Variants in KDM4C observed in about 807,000 individuals in gnomAD.
KDM4C encodes the protein lysine-specific demethylase 4C.
In KDM4C, 81 loss-of-function variants were observed where a neutral mutation model predicts 129.3. That is an observed-to-expected ratio of 0.63 (90% CI 0.52 to 0.75). KDM4C has a LOEUF of 0.75. Among genes scored for constraint, KDM4C ranks in the 30% least tolerant of loss-of-function variants. KDM4C has a pLI of 0.00. For synonymous variants in KDM4C, 573 were observed against 456.1 expected (o/e 1.26, Z -3.26); for missense variants, 1,457 against 1,304.0 (o/e 1.12, Z -1.81).
rs557651231 is a variant in KDM4C at position 6,902,191 on chromosome 9, A to G, written c.921+8959A>G. 3.3e-5 allele frequency among the ~76,000 whole-genome samples: 5 copies of G among 152,312 alleles called. No individual in the cohort carries two copies. The East Asian group carries it at 5.8e-4, about 18-fold the overall frequency. On this transcript the variant is annotated intron_variant, in intron 8 of 21. Coordinates refer to ENST00000381309, the MANE Select transcript of KDM4C (RefSeq NM_015061.6). ...GAGATGTGTAATGTTTTGTACATAT[A>G]TCATTTACAGTCTCTTTTCTCCAAG...
At chr9:7,035,303 CAT>C in intron 15 of KDM4C, among the ~76,000 whole-genome samples, 1 of 146,936 alleles carries the variant, frequency 6.8e-6, no homozygotes, top group Non-Finnish European at 1.5e-5. Context: ...CATGAGCTAC[CAT>C]GCCTGGCCAT....
chr9:7,056,195 C>G (rs970069295), intron 17 of KDM4C, among the ~76,000 whole-genome samples: 1 of 152,128 alleles, frequency 6.6e-6, no homozygotes, highest in African/African-American at 2.4e-5. Context: ...GTAAGAGGTA[C>G]TATACTACAG....
chr9:6,860,663 A>G (rs1210391815), intron 5 of KDM4C, among the ~76,000 whole-genome samples: 2 of 152,240 alleles, frequency 1.3e-5, no homozygotes, highest in African/African-American at 2.4e-5. Context: ...GAAGAGACAT[A>G]GAGTCTGAGC....
intron 1 of KDM4C, among the ~76,000 whole-genome samples, chr9:6,726,300 T>C (rs989694626): frequency 1.3e-5 from 2 of 152,212 alleles, no homozygotes; most frequent in Non-Finnish European, 1.5e-5. Context: ...TCTATTTGTC[T>C]GAAGTGTAAA....
At chr9:6,925,114 C>T in intron 8 of KDM4C, 1 of 985,400 alleles carries the variant, frequency 1.0e-6, no homozygotes, top group South Asian at 4.7e-5. Context: ...ATGCATTTTT[C>T]CTCTTTGAAC....
intron 8 of KDM4C, among the ~76,000 whole-genome samples, chr9:6,934,767 T>C (rs373916174): frequency 1.3e-5 from 2 of 152,144 alleles, no homozygotes; most frequent in South Asian, 4.1e-4. Context: ...CGGCCCACTC[T>C]AATTTTCATT....
At position 6,736,099 on chromosome 9, in the gene KDM4C, G is replaced by C. The variant is rs565022709; in HGVS notation, c.49+15102G>C. Among the ~76,000 whole-genome samples the C allele has an allele frequency of 1.2e-4, 19 of 152,296 alleles. No homozygotes were observed. The South Asian group carries it at 3.7e-3, about 30-fold the overall frequency. On this transcript the variant is annotated intron_variant, in intron 1 of 17. Coordinates refer to the KDM4C transcript ENST00000536108. ...TTTGTGGAACTTTGAATTTGACAGA[G>C]ATGACTTAGGGTATCTGGTGGAAGA...
chr9:7,021,877 A>G (rs1054216420), intron 15 of KDM4C, among the ~76,000 whole-genome samples: 3 of 152,132 alleles, frequency 2.0e-5, no homozygotes, highest in Non-Finnish European at 2.9e-5. Flanking sequence ...CCATTTAAGT[A>G]TCTAGTTTTC....
chr9:6,756,984 C>T (rs375135468), upstream of KDM4C, among the ~76,000 whole-genome samples: 5 of 152,158 alleles, frequency 3.3e-5, no homozygotes, highest in African/African-American at 1.2e-4. Context: ...TCTTTCTTAG[C>T]TAAGACGTTA....
chr9:6,983,829 T>G (rs1327719217), intron 9 of KDM4C, among the ~76,000 whole-genome samples: 1 of 152,240 alleles, frequency 6.6e-6, no homozygotes, highest in African/African-American at 2.4e-5. Context: ...ATTTATTGAT[T>G]TTATTTCTGT....
rs557008249 is a variant in KDM4C, at chr9:6,995,955, A to G, written c.1786+5431A>G. Among the ~76,000 whole-genome samples, 49 of 152,332 alleles carry G rather than the reference A, an allele frequency of 3.2e-4. 1 individual carries two copies. Among genetic ancestry groups the G allele is most frequent in the South Asian group, 1.9e-3 (9 of 4,828 alleles). On this transcript the variant is annotated intron_variant, in intron 12 of 21. Transcript: ENST00000381309. ...AGTGCTGGGATTACAGGCGTGAGCC[A>G]CCGCGCCCGGCCCTGCAGGTTTTAA...
At chr9:6,953,351 A>G (rs1828517966) in intron 8 of KDM4C, among the ~76,000 whole-genome samples, 1 of 152,182 alleles carries the variant, frequency 6.6e-6, no homozygotes. Flanking sequence ...TGAAATTGAG[A>G]GATTTAAACA....
chr9:6,859,505 T>A (rs1389496477), intron 5 of KDM4C, among the ~76,000 whole-genome samples: 1 of 137,452 alleles, frequency 7.3e-6, no homozygotes, highest in Admixed American at 7.4e-5. Flanking sequence ...AAAGAAATCG[T>A]CTCTGGTAAC....
chr9:6,905,887 A>C (rs1218385246), intron 8 of KDM4C, among the ~76,000 whole-genome samples: 1 of 152,168 alleles, frequency 6.6e-6, no homozygotes, highest in Non-Finnish European at 1.5e-5. Flanking sequence ...TTATGTTCAC[A>C]TTGAGGATCC....
chr9:6,730,254 C>T (rs1408529912), intron 1 of KDM4C, among the ~76,000 whole-genome samples: 1 of 152,154 alleles, frequency 6.6e-6, no homozygotes, highest in Admixed American at 6.6e-5. Context: ...TGATTCTAAG[C>T]TGAAACTTGA....
At chr9:7,152,118 GAA>G (rs1842784693) in intron 19 of KDM4C, among the ~76,000 whole-genome samples, 1 of 152,214 alleles carries the variant, frequency 6.6e-6, no homozygotes, top group Non-Finnish European at 1.5e-5. Flanking sequence ...GTCTGATGTT[GAA>G]TTTTTCAAAG....
rs566437271 is a variant in KDM4C at position 7,077,400 on chromosome 9, A to G, written c.2425-26285A>G. The G allele has an allele frequency of 2.1e-5, 4 of 190,616 alleles. 1 individual carries two copies. In the Admixed American group the frequency reaches 2.6e-4, roughly 12 times the overall value. 11.8% of individuals were successfully genotyped at this position (190,616 alleles called of 1,614,324 possible). The stretch of plus-strand genomic sequence containing the variant: ...TAGAATAGCATGCTATTTAGCATTT[A>G]TCTGTAAGCTATACTAATGTTTTTG... On this transcript the variant is annotated intron_variant, in intron 17 of 21. Transcript: ENST00000381309.
At chr9:6,944,919 CA>C (rs1826669242) in intron 8 of KDM4C, among the ~76,000 whole-genome samples, 1 of 152,048 alleles carries the variant, frequency 6.6e-6, no homozygotes, top group South Asian at 2.1e-4. Context: ...GGGAGTTACT[CA>C]AATTAGCTGG....
Position 7,154,382 on chromosome 9 carries a change from T to G in KDM4C, c.2782-10856T>G, listed in dbSNP as rs928859470. On this transcript the variant is annotated intron_variant, in intron 19 of 21. Coordinates refer to ENST00000381309, the MANE Select transcript of KDM4C (RefSeq NM_015061.6). ...ATGCCGATTAACTACTGGGAACACA[T>G]GTGCCACGTCTTCATCTGGTGCAAC... Among the ~76,000 whole-genome samples the G allele has an allele frequency of 4.6e-5, 7 of 152,202 alleles. 1 individual carries two copies. The highest frequency in any genetic ancestry group is 1.0e-4 in the Non-Finnish European group (7 of 68,038).
Sources: gnomAD v4.1 joint callset for allele counts (sites outside exome capture counted in the v4.1 genomes callset) on GRCh38, gnomAD v4.1.1 for gene constraint, MANE v1.5 for transcripts, NCBI Gene and HGNC (gene_info 2026-07-23, HGNC 2026-07-21) for gene names.